Variants in FCRL2 observed in about 807,000 individuals in gnomAD.
FCRL2 encodes Fc receptor-like protein 2.
A neutral mutation model predicts 59.8 loss-of-function variants in FCRL2; 48 were observed. The ratio of observed to expected loss-of-function variants is 0.80; its 90% CI spans 0.64 to 1.02. FCRL2 has a LOEUF of 1.02. FCRL2 is among the 50% of genes least tolerant of loss of function. FCRL2 has a pLI of 0.00. For missense variants in FCRL2, 658 were observed against 597.3 expected (o/e 1.10, Z -1.06); for synonymous variants, 251 against 229.5 (o/e 1.09, Z -0.85).
Position 157,746,581 on chromosome 1 carries a change from A to C in FCRL2, c.*155T>G, listed in dbSNP as rs1647762896. The C allele has an allele frequency of 1.5e-6, 1 of 646,996 alleles. No homozygotes were observed. The highest frequency in any genetic ancestry group is 1.8e-5 in the African/African-American group (1 of 54,686). The allele number at this position is 646,996 out of a possible 1,614,324, so 40.1% of individuals were successfully genotyped here. A position where few individuals can be genotyped will look rare whatever the true frequency, so the allele number is the denominator to read the frequency against. On this transcript the variant is annotated 3_prime_UTR_variant, in exon 12 of 12. Transcript: ENST00000361516. ...TAGGTAAAAGAAGATATTGGAGAAG[A>C]AACATCATCAGGACAAAAATGACAG... is the stretch of plus-strand genomic sequence containing the variant.
chr1:157,776,530 A>G (rs1650425802), intron 1 of FCRL2, among the ~76,000 whole-genome samples: 1 of 152,096 alleles, frequency 6.6e-6, no homozygotes, highest in African/African-American at 2.4e-5. Context: ...TGGACTCCCA[A>G]AGTGCTAGGA....
intron 7 of FCRL2, among the ~76,000 whole-genome samples, chr1:157,752,231 G>A (rs1184324738): frequency 2.0e-5 from 3 of 152,208 alleles, no homozygotes; most frequent in Non-Finnish European, 4.4e-5. Flanking sequence ...GGTACCCAGT[G>A]GGAGGTAACT....
Position 157,749,632 on chromosome 1 carries a change from A to G in FCRL2, c.1307+18T>C, listed in dbSNP as rs765484730. 5.0e-6 allele frequency: 8 copies of G among 1,594,772 alleles called. No homozygotes were observed. The East Asian group carries it at 1.8e-4, about 36-fold the overall frequency. On this transcript the variant is annotated intron_variant, in intron 8 of 11. Coordinates refer to ENST00000361516, the MANE Select transcript of FCRL2 (RefSeq NM_030764.4). Reference sequence around the variant, plus strand: ...GGAGACCTCTAGAATTAAAATTTTTACTAGGAAGAGTTCTCACCTGGGTTC... The same window carrying G: ...GGAGACCTCTAGAATTAAAATTTTTGCTAGGAAGAGTTCTCACCTGGGTTC...
intron 10 of FCRL2, among the ~76,000 whole-genome samples, chr1:157,747,599 C>T (rs1647849188): frequency 6.6e-6 from 1 of 152,182 alleles, no homozygotes; most frequent in East Asian, 1.9e-4. Flanking sequence ...TAGATGACCA[C>T]TGACCAGGAA....
intron 4 of FCRL2, 50 bp downstream of exon 4, chr1:157,769,816 T>G: frequency 6.3e-7 from 1 of 1,582,898 alleles, no homozygotes; most frequent in Non-Finnish European, 8.6e-7. Flanking sequence ...AAGCTGAAGC[T>G]ATAACACTCC....
At chr1:157,751,983 G>A (rs1422233225) in intron 7 of FCRL2, among the ~76,000 whole-genome samples, 1 of 152,222 alleles carries the variant, frequency 6.6e-6, no homozygotes, top group Non-Finnish European at 1.5e-5. Flanking sequence ...GTTGAGGAAA[G>A]AGAGAAACAT....
intron 7 of FCRL2, among the ~76,000 whole-genome samples, chr1:157,760,625 AAAAAGAAAGAAAG>A (rs947933975): frequency 8.0e-5 from 12 of 150,372 alleles, no homozygotes; most frequent in Admixed American, 5.3e-4. Context: ...AGACTTTGTC[AAAAAGAAAGAAAG>A]AAAAGAAAGA....
chr1:157,761,426 G>A (rs760742669), intron 7 of FCRL2, among the ~76,000 whole-genome samples: 2 of 152,032 alleles, frequency 1.3e-5, no homozygotes, highest in African/African-American at 2.4e-5. Context: ...GACCAGCCTG[G>A]GTAACATTGT....
At chr1:157,760,691 GAAAGAAGGAAAGAAA>G (rs1648972575) in intron 7 of FCRL2, among the ~76,000 whole-genome samples, 1 of 122,768 alleles carries the variant, frequency 8.1e-6, no homozygotes, top group Admixed American at 8.5e-5. Flanking sequence ...AAGAAAGAAA[GAAAGAAGGAAAGAAA>G]GAAAGAAAGA....
At chr1:157,750,448 TA>T (rs1648106963) in intron 7 of FCRL2, among the ~76,000 whole-genome samples, 1 of 152,208 alleles carries the variant, frequency 6.6e-6, no homozygotes, top group African/African-American at 2.4e-5. Flanking sequence ...AGAGACATGC[TA>T]AATTTCAAGA....
chr1:157,775,202 G>A (rs951160899), intron 2 of FCRL2, among the ~76,000 whole-genome samples: 39 of 152,246 alleles, frequency 2.6e-4, no homozygotes, highest in African/African-American at 6.7e-4. Flanking sequence ...GTTTACATAT[G>A]GTCTATGGTT....
chr1:157,757,695 G>T (rs1255001347), intron 7 of FCRL2, among the ~76,000 whole-genome samples: 1 of 152,226 alleles, frequency 6.6e-6, no homozygotes, highest in Non-Finnish European at 1.5e-5. Flanking sequence ...GGGCACGGAG[G>T]CTTACACCTG....
intron 7 of FCRL2, among the ~76,000 whole-genome samples, chr1:157,766,304 T>C (rs1204947608): frequency 6.6e-6 from 1 of 152,108 alleles, no homozygotes; most frequent in Non-Finnish European, 1.5e-5. Flanking sequence ...ACCCTGTCTC[T>C]ACTAAAAATA....
intron 7 of FCRL2, among the ~76,000 whole-genome samples, chr1:157,764,303 T>C (rs1193371526): frequency 6.6e-6 from 1 of 151,998 alleles, no homozygotes; most frequent in African/African-American, 2.4e-5. Flanking sequence ...TACTCAACAC[T>C]TGAGCACCCA....
chr1:157,775,931 A>C, intron 1 of FCRL2, 136 bp from the exon 2 acceptor site: 1 of 944,242 alleles, frequency 1.1e-6, no homozygotes, highest in Non-Finnish European at 1.6e-6. Context: ...ATCTCTTATT[A>C]CTAACAATTC....
chr1:157,754,199 C>T (rs931652507), intron 7 of FCRL2, among the ~76,000 whole-genome samples: 3 of 151,964 alleles, frequency 2.0e-5, no homozygotes, highest in Admixed American at 1.3e-4. Flanking sequence ...AATAGGAGGT[C>T]GGCACAAGAT....
chr1:157,746,921 T>C (rs1364507088), intron 10 of FCRL2, 22 bp from the exon 11 acceptor site: 8 of 1,610,890 alleles, frequency 5.0e-6, no homozygotes, highest in Non-Finnish European at 6.8e-6. Flanking sequence ...AAAGTAATAG[T>C]TCTGAGCTCT....
chr1:157,757,893 C>T (rs1239783518), intron 7 of FCRL2, among the ~76,000 whole-genome samples: 1 of 152,144 alleles, frequency 6.6e-6, no homozygotes. Context: ...ACCCAGGAGG[C>T]AGAGCTTGCA....
At position 157,748,606 on chromosome 1, in the gene FCRL2, T is replaced by A. The variant is rs758612307; in HGVS notation, c.1406A>T (p.Asp469Val). ...QPVYVNVGSV[D>V]VDVVYSQVWS... is the part of the protein sequence containing the mutation. ...GACCTGAGAATAAACCACATCCACA[T>A]CTACAGAGCCCACTGCAGGGAGAAG... Residue 469 changes from aspartate to valine, a missense_variant, in exon 10 of 12, where the codon GAT (aspartate) becomes GTT (valine). Coordinates refer to ENST00000361516, the MANE Select transcript of FCRL2 (RefSeq NM_030764.4). The A allele has an allele frequency of 8.1e-6, 13 of 1,613,840 alleles. No homozygotes were observed. The Admixed American group carries it at 1.7e-4, about 21-fold the overall frequency.
Sources: allele counts gnomAD v4.1 joint callset (sites outside exome capture counted in the v4.1 genomes callset), GRCh38; gene constraint gnomAD v4.1.1; transcripts MANE v1.5; gene names NCBI Gene and HGNC (gene_info 2026-07-23, HGNC 2026-07-21).